Variants in MINDY2 observed in about 807,000 individuals in gnomAD.
MINDY2 encodes the protein ubiquitin carboxyl-terminal hydrolase MINDY-2.
In MINDY2, 52 loss-of-function variants were observed where a neutral mutation model predicts 68.2. That is an observed-to-expected ratio of 0.76 (90% CI 0.61 to 0.96). The LOEUF (loss-of-function observed/expected upper bound fraction) is 0.96, where lower values mean the gene tolerates loss of function less well. Among genes scored for constraint, MINDY2 ranks in the 40% least tolerant of loss-of-function variants. The pLI is 0.00. For missense variants in MINDY2, 881 were observed against 773.4 expected, an observed-to-expected ratio of 1.14 and a Z score of -1.65; for synonymous variants, 372 against 303.0, an observed-to-expected ratio of 1.23 and a Z score of -2.36.
At chr15:58,791,757 T>A (rs1486276849) in intron 2 of MINDY2, among the ~76,000 whole-genome samples, 1 of 151,912 alleles carries the variant, frequency 6.6e-6, no homozygotes, top group African/African-American at 2.4e-5. Flanking sequence ...GGCTACTGTA[T>A]TAGACAGTAC....
Position 58,771,996 on chromosome 15 carries a change from G to T in MINDY2, c.601G>T (p.Val201Phe), listed in dbSNP as rs1272577198. 3 of 1,590,052 alleles carry T rather than the reference G, an allele frequency of 1.9e-6. No individual in the cohort carries two copies. In the African/African-American group the frequency reaches 4.0e-5, roughly 21 times the overall value. Residue 201 changes from valine to phenylalanine, a missense_variant, in exon 1 of 9, where the codon GTC (valine) becomes TTC (phenylalanine). Transcript: ENST00000559228. ...FNSEEGAENR[V>F]PEEEEGAAVL... ...TAGTGAGGAGGGAGCGGAGAACAGG[G>T]TCCCTGAGGAGGAGGAGGGCGCGGC...
chr15:58,845,769 C>T (rs1342709289), intron 6 of MINDY2, among the ~76,000 whole-genome samples: 4 of 152,156 alleles, frequency 2.6e-5, no homozygotes, highest in Non-Finnish European at 4.4e-5. Flanking sequence ...CAGCACTATT[C>T]GCAATAGCCA....
intron 2 of MINDY2, among the ~76,000 whole-genome samples, chr15:58,796,817 C>T (rs938837432): frequency 1.3e-5 from 2 of 152,196 alleles, no homozygotes; most frequent in African/African-American, 4.8e-5. Context: ...GCCACTGCAC[C>T]TGGCCATTTA....
chr15:58,817,109 TAAACATGACTACCTTA>T (rs1394585434), intron 4 of MINDY2, among the ~76,000 whole-genome samples: 3 of 152,314 alleles, frequency 2.0e-5, no homozygotes, highest in South Asian at 2.1e-4. Flanking sequence ...GAAACATTAG[TAAACATGACTACCTTA>T]AAACTGAGAA....
At chr15:58,798,241 C>T (rs115466037) in intron 2 of MINDY2, among the ~76,000 whole-genome samples, 76 of 152,028 alleles carry the variant, frequency 5.0e-4, no homozygotes, top group African/African-American at 1.7e-3. Flanking sequence ...CTCAGCTACC[C>T]GAGCAGCTGG....
chr15:58,800,378 CT>C (rs1192099292), intron 2 of MINDY2, among the ~76,000 whole-genome samples: 3 of 152,090 alleles, frequency 2.0e-5, no homozygotes, highest in African/African-American at 7.2e-5. Flanking sequence ...CAATTTCATT[CT>C]TCACTCCTCT....
intron 7 of MINDY2, among the ~76,000 whole-genome samples, chr15:58,849,212 AAAAAAAAAGGCTGG>A (rs1244081473): frequency 5.3e-5 from 8 of 150,846 alleles, no homozygotes; most frequent in Non-Finnish European, 8.9e-5. Context: ...TCTGTCTCAA[AAAAAAAAAGGCTGG>A]GCACGGTGGC....
intron 3 of MINDY2, among the ~76,000 whole-genome samples, chr15:58,804,000 C>T (rs1270319571): frequency 6.8e-6 from 1 of 146,452 alleles, no homozygotes; most frequent in Non-Finnish European, 1.5e-5. Context: ...TGGTGGCAGG[C>T]GCCTGTAAGT....
intron 6 of MINDY2, among the ~76,000 whole-genome samples, chr15:58,835,304 G>C (rs2031938958): frequency 6.6e-6 from 1 of 152,014 alleles, no homozygotes. Context: ...GCTTTTATTG[G>C]GACTTATAAC....
At chr15:58,791,179 CAAA>C (rs35764277) in intron 2 of MINDY2, among the ~76,000 whole-genome samples, 1 of 67,890 alleles carries the variant, frequency 1.5e-5, no homozygotes, top group Non-Finnish European at 3.2e-5. Context: ...GACTCCTTCT[CAAA>C]AAAAAAAAAA....
At chr15:58,832,043 G>C in intron 6 of MINDY2, 127 bp downstream of exon 6, 1 of 808,760 alleles carries the variant, frequency 1.2e-6, no homozygotes, top group Non-Finnish European at 1.8e-6. Context: ...AATTATGAAG[G>C]TAATTATTAA....
At chr15:58,824,965 C>T (rs1195340176) in intron 5 of MINDY2, among the ~76,000 whole-genome samples, 2 of 152,178 alleles carry the variant, frequency 1.3e-5, no homozygotes, top group African/African-American at 2.4e-5. Flanking sequence ...CCACCTCGCC[C>T]AGCCCATCAT....
intron 1 of MINDY2, among the ~76,000 whole-genome samples, chr15:58,778,747 C>A (rs1274843113): frequency 1.3e-5 from 2 of 151,528 alleles, no homozygotes; most frequent in Admixed American, 6.6e-5. Flanking sequence ...CCACCTCAGC[C>A]TCCTGAGTAG....
chr15:58,795,274 C>T (rs1389310462), intron 2 of MINDY2, among the ~76,000 whole-genome samples: 8 of 152,110 alleles, frequency 5.3e-5, no homozygotes, highest in Non-Finnish European at 5.9e-5. Context: ...TCCCAGCATG[C>T]AGAGATTAGG....
At chr15:58,813,372 A>G (rs452698) in intron 4 of MINDY2, among the ~76,000 whole-genome samples, 82,934 of 151,990 alleles carry the variant, frequency 0.55, 25,024 homozygotes, top group East Asian at 0.94. Flanking sequence ...GCATGTGCCT[A>G]TAATCCCAGC....
chr15:58,798,505 T>C (rs558423677), intron 2 of MINDY2, among the ~76,000 whole-genome samples: 244 of 150,930 alleles, frequency 1.6e-3, no homozygotes, highest in African/African-American at 5.4e-3. Context: ...ACCCAGCCTA[T>C]AGTGCAATGG....
chr15:58,805,703 A>G (rs1456946927), intron 3 of MINDY2, among the ~76,000 whole-genome samples: 13 of 152,204 alleles, frequency 8.5e-5, no homozygotes, highest in Admixed American at 8.5e-4. Flanking sequence ...TTAGGAACAA[A>G]GTGGCAAAAT....
chr15:58,831,043 A>ATATATAT (rs1673147667), intron 5 of MINDY2, among the ~76,000 whole-genome samples: 17 of 103,664 alleles, frequency 1.6e-4, no homozygotes, highest in Non-Finnish European at 2.9e-4. Context: ...GTGTGTGTGT[A>ATATATAT]TATATATATA....
intron 2 of MINDY2, among the ~76,000 whole-genome samples, chr15:58,796,724 T>C (rs1236910253): frequency 1.3e-5 from 2 of 152,224 alleles, no homozygotes; most frequent in African/African-American, 4.8e-5. Flanking sequence ...GGTTTCCCCA[T>C]GTTGGCCGGG....
Sources: gnomAD v4.1 joint callset for allele counts (sites outside exome capture counted in the v4.1 genomes callset) on GRCh38, gnomAD v4.1.1 for gene constraint, MANE v1.5 for transcripts, NCBI Gene and HGNC (gene_info 2026-07-23, HGNC 2026-07-21) for gene names.